Variants in FBXL5 observed in about 807,000 individuals in gnomAD.
FBXL5 encodes F-box and leucine rich repeat protein 5.
In FBXL5, 26 loss-of-function variants were observed where a neutral mutation model predicts 78.3. The observed-to-expected ratio is 0.33, with a 90% CI of 0.24 to 0.46. The LOEUF (loss-of-function observed/expected upper bound fraction) is 0.46. Among genes scored for constraint, FBXL5 ranks in the 20% least tolerant of loss-of-function variants. The pLI is 1.00. For missense variants in FBXL5, 710 were observed against 829.2 expected, an observed-to-expected ratio of 0.86 and a Z score of 1.77; for synonymous variants, 295 against 282.5, an observed-to-expected ratio of 1.04 and a Z score of -0.45.
chr4:15,658,143 G>A (rs4698409), upstream of FBXL5, among the ~76,000 whole-genome samples: 95,754 of 152,084 alleles, frequency 0.63, 30,253 homozygotes, highest in Non-Finnish European at 0.65. Flanking sequence ...TGGCCAGGGA[G>A]GGTCAATTCT....
At chr4:15,648,237 G>T (rs937286850) in intron 1 of FBXL5, among the ~76,000 whole-genome samples, 1 of 152,080 alleles carries the variant, frequency 6.6e-6, no homozygotes, top group African/African-American at 2.4e-5. Flanking sequence ...TATTTAGTAG[G>T]CTTTTCTGTT....
At chr4:15,616,275 G>A (rs555392641) in intron 9 of FBXL5, among the ~76,000 whole-genome samples, 4 of 152,304 alleles carry the variant, frequency 2.6e-5, no homozygotes, top group Admixed American at 6.5e-5. Context: ...CACCAATTCC[G>A]GACACATTAT....
At chr4:15,614,058 T>C (rs1711536961) in intron 9 of FBXL5, among the ~76,000 whole-genome samples, 1 of 152,180 alleles carries the variant, frequency 6.6e-6, no homozygotes, top group African/African-American at 2.4e-5. Context: ...TCCTTCTCAT[T>C]GGGGTAGACT....
upstream of FBXL5, among the ~76,000 whole-genome samples, chr4:15,657,855 A>C (rs1717080478): frequency 2.0e-5 from 3 of 152,320 alleles, no homozygotes; most frequent in South Asian, 2.1e-4. Flanking sequence ...ATTAAGACCA[A>C]GGTTGTCACT....
chr4:15,666,267 T>A (rs113362594), intron 1 of FBXL5, among the ~76,000 whole-genome samples: 8 of 151,990 alleles, frequency 5.3e-5, no homozygotes, highest in African/African-American at 1.9e-4. Flanking sequence ...GGTATGGTGG[T>A]GCATGCCTGT....
At chr4:15,626,496 TGAA>T (rs923705092) in intron 8 of FBXL5, among the ~76,000 whole-genome samples, 19 of 152,176 alleles carry the variant, frequency 1.2e-4, no homozygotes, top group African/African-American at 4.3e-4. Flanking sequence ...GAAGGTGGCT[TGAA>T]GAAAGTTACA....
intron 10 of FBXL5, among the ~76,000 whole-genome samples, chr4:15,611,303 G>A (rs1327739969): frequency 1.3e-5 from 2 of 150,594 alleles, no homozygotes; most frequent in Admixed American, 6.7e-5. Context: ...TCCATTTTGC[G>A]GTATGTCATT....
At chr4:15,662,851 A>G (rs1232001634), upstream of FBXL5, among the ~76,000 whole-genome samples, 38 of 152,316 alleles carry the variant, frequency 2.5e-4, no homozygotes, top group Non-Finnish European at 1.2e-4. Flanking sequence ...GTGGCTAAAC[A>G]TTATTCCCAG....
chr4:15,655,300 A>C lies in FBXL5; in HGVS notation c.-13T>G. On this transcript the variant is annotated 5_prime_UTR_variant, in exon 1 of 11. Coordinates refer to ENST00000341285, the MANE Select transcript of FBXL5 (RefSeq NM_012161.4). ...GAAAGGGCGCCATCGCCACTGCCTC[A>C]GCCTCCGCCTCAGCAGCCGCGGCCG... 7.2e-7 allele frequency: 1 copy of C among 1,395,112 alleles called. No individual in the cohort carries two copies. Among genetic ancestry groups the C allele is most frequent in the Non-Finnish European group, 9.5e-7 (1 of 1,050,702 alleles). The allele number at this position is 1,395,112 out of a possible 1,614,324, so 86.4% of individuals were successfully genotyped here. A position where few individuals can be genotyped will look rare whatever the true frequency, so the allele number is the denominator to read the frequency against.
rs1326438966 is a variant in FBXL5 at position 15,612,435 on chromosome 4, C to G, written c.1851-21G>C. 12 of 1,595,980 alleles carry G rather than the reference C, an allele frequency of 7.5e-6. No individual in the cohort carries two copies. In the Admixed American group the frequency reaches 2.0e-4, roughly 26 times the overall value. ...AAACCCTGTAAGAAAAATAATTTGACAATTAGAAGATACTAATCTATAAAA... is the reference window on the plus strand; with the variant it reads ...AAACCCTGTAAGAAAAATAATTTGAGAATTAGAAGATACTAATCTATAAAA... On this transcript the variant is annotated intron_variant, in intron 9 of 10. Coordinates refer to ENST00000341285, the MANE Select transcript of FBXL5 (RefSeq NM_012161.4).
intron 9 of FBXL5, among the ~76,000 whole-genome samples, chr4:15,615,323 C>T (rs1218274710): frequency 6.6e-6 from 1 of 152,122 alleles, no homozygotes; most frequent in Non-Finnish European, 1.5e-5. Flanking sequence ...GACTGGCAGG[C>T]AGCTCCACAT....
Position 15,604,594 on chromosome 4 carries a change from T to C in FBXL5, c.*1129A>G, listed in dbSNP as rs1721760911. ...ACCAATAGACTGGCTCAACGCAGAG[T>C]TGCCATAAACCTTCCATTTGTAAAA... On this transcript the variant is annotated 3_prime_UTR_variant, in exon 11 of 11. Coordinates refer to ENST00000341285, the MANE Select transcript of FBXL5 (RefSeq NM_012161.4). The C allele has an allele frequency of 2.0e-5, 3 of 152,208 alleles. No homozygotes were observed. The South Asian group carries it at 6.2e-4, about 32-fold the overall frequency. 9.4% of individuals were successfully genotyped at this position (152,208 alleles called of 1,614,324 possible). A position where few individuals can be genotyped will look rare whatever the true frequency, so the allele number is the denominator to read the frequency against.
intron 1 of FBXL5, among the ~76,000 whole-genome samples, chr4:15,649,596 A>C (rs1042852233): frequency 8.6e-5 from 13 of 150,378 alleles, no homozygotes; most frequent in Non-Finnish European, 1.6e-4. Context: ...AAAAAAAAAA[A>C]AGAAAGAAAG....
At chr4:15,646,569 T>G (rs1026044854) in intron 1 of FBXL5, among the ~76,000 whole-genome samples, 3 of 152,164 alleles carry the variant, frequency 2.0e-5, no homozygotes, top group African/African-American at 7.2e-5. Flanking sequence ...TATTATACTT[T>G]AAGTTTTAGG....
intron 2 of FBXL5, among the ~76,000 whole-genome samples, chr4:15,641,863 C>T (rs1314477657): frequency 1.3e-5 from 2 of 151,944 alleles, no homozygotes; most frequent in Non-Finnish European, 2.9e-5. Flanking sequence ...CCTGTCTCTA[C>T]TAAAAATACA....
rs758165511 is a variant in FBXL5 at position 15,625,788 on chromosome 4, C to T, written c.1314G>A (p.Met438Ile). Residue 438 changes from methionine to isoleucine, a missense_variant, in exon 9 of 11, where the codon ATG (methionine) becomes ATA (isoleucine). By Grantham distance (10) the Met-to-Ile change is conservative. Transcript: ENST00000341285. ...AACAGGCATACTGCTTGGTGGACTG[C>T]ATGGTAATGTCTTTATTTTTCCACG... Reference protein sequence around the residue: ...STAWKNKDITMQSTKQYACLH... With the variant: ...STAWKNKDITIQSTKQYACLH... The T allele has an allele frequency of 6.2e-6, 10 of 1,614,128 alleles. No individual in the cohort carries two copies. The highest frequency in any genetic ancestry group is 8.5e-6 in the Non-Finnish European group (10 of 1,180,010).
upstream of FBXL5, among the ~76,000 whole-genome samples, chr4:15,664,367 A>G (rs1293233054): frequency 6.6e-6 from 1 of 152,034 alleles, no homozygotes; most frequent in Non-Finnish European, 1.5e-5. Flanking sequence ...AAAACAAAAA[A>G]TCTAATGACT....
chr4:15,625,310 G>A lies in FBXL5; in HGVS notation c.1792C>T (p.Arg598Cys). 4 of 1,614,068 alleles carry A rather than the reference G, an allele frequency of 2.5e-6. No homozygotes were observed. Among genetic ancestry groups the A allele is most frequent in the Non-Finnish European group, 2.5e-6 (3 of 1,179,966 alleles). The stretch of plus-strand genomic sequence containing the variant: ...GATAAACTGAGAAACAGAAGTACAC[G>A]TCCAGTCTCTTGATCAGATTTTTCA... ...GSEKSDQETG[R>C]VLLFLSLSGC... is the part of the protein sequence containing the mutation. Residue 598 changes from arginine (R) to cysteine (C), a missense_variant, in exon 9 of 11, where the codon CGT (arginine) becomes TGT (cysteine). Physicochemically the swap from Arg to Cys is radical, Grantham distance 180. Coordinates refer to ENST00000341285, the MANE Select transcript of FBXL5 (RefSeq NM_012161.4).
intron 9 of FBXL5, among the ~76,000 whole-genome samples, chr4:15,616,214 T>A (rs1711851806): frequency 6.6e-6 from 1 of 152,190 alleles, no homozygotes; most frequent in African/African-American, 2.4e-5. Flanking sequence ...GCTGTAACAC[T>A]CACCGCGAGG....
Sources: gnomAD v4.1 joint callset for allele counts (sites outside exome capture counted in the v4.1 genomes callset) on GRCh38, gnomAD v4.1.1 for gene constraint, MANE v1.5 for transcripts, NCBI Gene and HGNC (gene_info 2026-07-23, HGNC 2026-07-21) for gene names.